PTPRN2: variants seen among roughly 807,000 people sequenced by gnomAD.
PTPRN2 encodes receptor-type tyrosine-protein phosphatase N2.
Under a neutral mutation model 118.8 loss-of-function variants are expected in PTPRN2, and 74 were observed. That is an observed-to-expected ratio of 0.62 (90% CI 0.52 to 0.76). The LOEUF is 0.76. PTPRN2 is among the 30% of genes least tolerant of loss of function. The probability of loss-of-function intolerance (pLI) is 0.00; values close to 1 mark genes in which losing one functional copy is unlikely to be tolerated. For missense variants in PTPRN2, 1,481 were observed against 1,394.4 expected, an observed-to-expected ratio of 1.06 and a Z score of -0.99; for synonymous variants, 641 against 608.0, an observed-to-expected ratio of 1.05 and a Z score of -0.80.
chr7:157,986,882 G>A lies in PTPRN2; in HGVS notation c.1724-88145C>T, dbSNP rs1324307992. Among the ~76,000 whole-genome samples, 1 of 152,138 alleles carries A rather than the reference G, an allele frequency of 6.6e-6. No homozygotes were observed. Among genetic ancestry groups the A allele is most frequent in the African/African-American group, 2.4e-5 (1 of 41,438 alleles). On this transcript the variant is annotated intron_variant, in intron 11 of 22. Coordinates refer to ENST00000389418, the MANE Select transcript of PTPRN2 (RefSeq NM_002847.5). This position sits in a 1 kb window ranked among gnomAD's most constrained non-coding sequence, Gnocchi z 4.5. ...TCCACCCCTCCTCCAGGACCCTCCA[G>A]AGTGAATCTGGAGCGAGGGGGCCCA...
intron 12 of PTPRN2, among the ~76,000 whole-genome samples, chr7:157,850,732 C>T (rs568733597): frequency 1.3e-3 from 201 of 152,260 alleles, no homozygotes; most frequent in African/African-American, 4.6e-3. Context: ...TCCTGCAGGG[C>T]AGGTGCAGGC....
rs557519239 is a variant in PTPRN2 at position 158,420,619 on chromosome 7, T to C, written c.163+69116A>G. Among the ~76,000 whole-genome samples the C allele has an allele frequency of 3.9e-5, 6 of 152,296 alleles. No homozygotes were observed. The South Asian group carries it at 1.2e-3, about 32-fold the overall frequency. On this transcript the variant is annotated intron_variant, in intron 2 of 22. Coordinates refer to ENST00000389418, the MANE Select transcript of PTPRN2 (RefSeq NM_002847.5). ...CCACCAGTGCGCATTGCCCCTGAGTTCCCTTCCCTCTGAGACCCAAGCTGT... is the reference window on the plus strand; with the variant it reads ...CCACCAGTGCGCATTGCCCCTGAGTCCCCTTCCCTCTGAGACCCAAGCTGT...
intron 11 of PTPRN2, among the ~76,000 whole-genome samples, chr7:157,910,708 G>GTA (rs542169725): frequency 8.5e-4 from 99 of 116,310 alleles, no homozygotes; most frequent in Middle Eastern, 7.7e-3. Flanking sequence ...CAGGGCACGT[G>GTA]TGTGTGTGTG....
chr7:158,169,349 T>C (rs1376330487), intron 5 of PTPRN2, among the ~76,000 whole-genome samples: 2 of 151,672 alleles, frequency 1.3e-5, no homozygotes, highest in East Asian at 3.9e-4. Context: ...TTCATGCAGT[T>C]CTTATGTCTC....
chr7:157,801,170 T>C lies in PTPRN2; in HGVS notation c.1788+97503A>G, dbSNP rs1036211074. On this transcript the variant is annotated intron_variant, in intron 12 of 22. Coordinates refer to ENST00000389418, the MANE Select transcript of PTPRN2 (RefSeq NM_002847.5). This position sits in a 1 kb window ranked among gnomAD's most constrained non-coding sequence, Gnocchi z 4.2. ...TTGTGGTGCTTATGTGGTGTCACAA[T>C]GCGTCTTGTGCCTCTCATCTGATTC... Among the ~76,000 whole-genome samples the C allele has an allele frequency of 6.6e-6, 1 of 152,044 alleles. No individual in the cohort carries two copies. Among genetic ancestry groups the C allele is most frequent in the East Asian group, 1.9e-4 (1 of 5,180 alleles).
chr7:157,901,547 T>C (rs190344735), intron 11 of PTPRN2, among the ~76,000 whole-genome samples: 250 of 152,380 alleles, frequency 1.6e-3, no homozygotes, highest in African/African-American at 5.6e-3. Flanking sequence ...GCTCTTAACA[T>C]AGTTTATTTA....
rs1400417871 is a variant in PTPRN2, at chr7:158,134,161, T to C, written c.1174-102A>G. On this transcript the variant is annotated intron_variant, in intron 8 of 22. Coordinates refer to ENST00000389418, the MANE Select transcript of PTPRN2 (RefSeq NM_002847.5). ...GGACAGAGTCACTGTGGGGATGACA[T>C]GGGCAGCCTGGAAGGAGAGTGTGGG... 2.7e-5 allele frequency: 36 copies of C among 1,339,562 alleles called. No individual in the cohort carries two copies. The East Asian group carries it at 6.6e-4, about 24-fold the overall frequency. 83.0% of individuals were successfully genotyped at this position (1,339,562 alleles called of 1,614,324 possible). A position where few individuals can be genotyped will look rare whatever the true frequency, so the allele number is the denominator to read the frequency against.
chr7:158,363,786 C>T (rs1809200661), intron 2 of PTPRN2, among the ~76,000 whole-genome samples: 1 of 152,170 alleles, frequency 6.6e-6, no homozygotes, highest in Admixed American at 6.5e-5. Context: ...CTCAGGAACC[C>T]CAGTGTCTGG....
chr7:158,160,896 T>C (rs188629999), intron 6 of PTPRN2, among the ~76,000 whole-genome samples: 3 of 152,394 alleles, frequency 2.0e-5, no homozygotes, highest in Non-Finnish European at 4.4e-5. Flanking sequence ...TGAAGTGTTT[T>C]GTCACGATTT....
chr7:157,852,751 C>T (rs1028997215), intron 12 of PTPRN2, among the ~76,000 whole-genome samples: 4 of 151,494 alleles, frequency 2.6e-5, no homozygotes, highest in Non-Finnish European at 4.4e-5. Context: ...CGCCTGTAAT[C>T]CCAGCTACTC....
At chr7:158,070,503 TG>T (rs1811192676) in intron 11 of PTPRN2, among the ~76,000 whole-genome samples, 1 of 126,286 alleles carries the variant, frequency 7.9e-6, no homozygotes, top group Non-Finnish European at 1.6e-5. Flanking sequence ...GAGGTGCCCG[TG>T]GTGGTGGAGG....
rs567574289 is a variant in PTPRN2 at position 157,922,856 on chromosome 7, C to T, written c.1724-24119G>A. Among the ~76,000 whole-genome samples, 113 of 152,328 alleles carry T rather than the reference C, an allele frequency of 7.4e-4. 1 individual carries two copies. The highest frequency in any genetic ancestry group is 1.4e-3 in the Admixed American group (22 of 15,308). On this transcript the variant is annotated intron_variant, in intron 11 of 22. Coordinates refer to ENST00000389418, the MANE Select transcript of PTPRN2 (RefSeq NM_002847.5). ...AGCTAATCCTGAGGTCACTCGCTTA[C>T]AAAAACCTATTTGCTGTGCTTCAGA...
At chr7:158,263,968 C>T (rs1176659342) in intron 3 of PTPRN2, among the ~76,000 whole-genome samples, 1 of 152,184 alleles carries the variant, frequency 6.6e-6, no homozygotes. Flanking sequence ...TGACCAACTT[C>T]ATCTAGAGCC....
At chr7:158,241,446 A>T (rs1357857832) in intron 3 of PTPRN2, among the ~76,000 whole-genome samples, 1 of 152,164 alleles carries the variant, frequency 6.6e-6, no homozygotes. Flanking sequence ...CCCAGGAGGC[A>T]AAGGTTGCAG....
intron 3 of PTPRN2, among the ~76,000 whole-genome samples, chr7:158,227,107 A>G (rs1409327841): frequency 1.3e-5 from 2 of 152,136 alleles, no homozygotes; most frequent in African/African-American, 4.8e-5. Context: ...CTGTGCGTGG[A>G]TAAATGGGAG....
At chr7:158,379,332 C>A (rs528053201) in intron 2 of PTPRN2, among the ~76,000 whole-genome samples, 1 of 152,242 alleles carries the variant, frequency 6.6e-6, no homozygotes, top group Non-Finnish European at 1.5e-5. Context: ...GCAGCCAAGA[C>A]CCACCTTCAT....
chr7:158,302,969 C>G (rs1031415080), intron 3 of PTPRN2, among the ~76,000 whole-genome samples: 4 of 152,058 alleles, frequency 2.6e-5, no homozygotes, highest in Non-Finnish European at 5.9e-5. Flanking sequence ...ATGAGATATG[C>G]AAAAGCGTGA....
rs1053770603 is a variant in PTPRN2, at chr7:158,138,991, C to T, written c.911-476G>A. Among the ~76,000 whole-genome samples the T allele has an allele frequency of 2.1e-5, 3 of 144,728 alleles. No individual in the cohort carries two copies. The East Asian group carries it at 5.8e-4, about 28-fold the overall frequency. 94.9% of individuals were successfully genotyped at this position (144,728 alleles called of 152,430 possible). ...CCTGCCCAGCACACCCTGCCCAGCA[C>T]ACCCTGCCCAGCATGGACCAACTCT... On this transcript the variant is annotated intron_variant, in intron 6 of 22. Transcript: ENST00000389418.
intron 3 of PTPRN2, among the ~76,000 whole-genome samples, chr7:158,293,239 A>G (rs1800238057): frequency 6.6e-6 from 1 of 152,032 alleles, no homozygotes. Flanking sequence ...AGGCTACACT[A>G]AATTTATAAA....
Sources: allele counts gnomAD v4.1 joint callset (sites outside exome capture counted in the v4.1 genomes callset), GRCh38; gene constraint gnomAD v4.1.1; non-coding constraint Gnocchi (gnomAD v3.1); transcripts MANE v1.5; gene names NCBI Gene and HGNC (gene_info 2026-07-23, HGNC 2026-07-21).